C12orf42: variants seen among roughly 807,000 people sequenced by gnomAD.
C12orf42 encodes chromosome 12 open reading frame 42, also known as uncharacterized protein C12orf42.
Under a neutral mutation model 21.6 loss-of-function variants are expected in C12orf42, and 25 were observed. The ratio of observed to expected loss-of-function variants is 1.16; its 90% CI spans 0.84 to 1.62. C12orf42 has a LOEUF of 1.62. Ranked by LOEUF, C12orf42 falls within the 40% of genes most tolerant of loss-of-function variation. C12orf42 has a pLI of 0.00. For missense variants in C12orf42, 483 were observed against 459.3 expected (o/e 1.05, Z -0.47); for synonymous variants, 174 against 175.0 (o/e 0.99, Z 0.05).
intron 4 of C12orf42, among the ~76,000 whole-genome samples, chr12:103,339,117 A>G (rs2137196415): frequency 6.6e-6 from 1 of 152,360 alleles, no homozygotes; most frequent in African/African-American, 2.4e-5. Flanking sequence ...AATAAAAACA[A>G]TTCAAGACAT....
chr12:103,126,380 A>G, the C12orf42 span, among the ~76,000 whole-genome samples: 2 of 152,250 alleles, frequency 1.3e-5, no homozygotes, highest in Non-Finnish European at 2.9e-5. Flanking sequence ...GGTTCTAAAA[A>G]TACTGAGAAA....
the C12orf42 span, among the ~76,000 whole-genome samples, chr12:103,122,726 G>A: frequency 6.6e-6 from 1 of 152,146 alleles, no homozygotes; most frequent in Non-Finnish European, 1.5e-5. Context: ...TCTACAGCAG[G>A]GGCAGTTGGG....
chr12:103,147,526 T>C, the C12orf42 span, among the ~76,000 whole-genome samples: 3 of 149,510 alleles, frequency 2.0e-5, no homozygotes, highest in Non-Finnish European at 4.5e-5. Flanking sequence ...TTTTTGGTTC[T>C]TTCTGATGAA....
At chr12:103,497,820 T>C (rs1258041506), upstream of C12orf42, among the ~76,000 whole-genome samples, 1 of 152,112 alleles carries the variant, frequency 6.6e-6, no homozygotes, top group Non-Finnish European at 1.5e-5. Context: ...TCACTAGGTC[T>C]GGAGATCGAT....
the C12orf42 span, among the ~76,000 whole-genome samples, chr12:103,070,235 AC>A: frequency 6.6e-6 from 1 of 151,938 alleles, no homozygotes; most frequent in Non-Finnish European, 1.5e-5. Context: ...AGTATTTTGC[AC>A]CCTTAAGTTG....
chr12:103,432,460 G>C (rs1469582707), intron 2 of C12orf42, among the ~76,000 whole-genome samples: 1 of 152,188 alleles, frequency 6.6e-6, no homozygotes, highest in African/African-American at 2.4e-5. Context: ...GCTACCTACT[G>C]TAACATTAAT....
At chr12:103,507,555 G>A in the C12orf42 span, among the ~76,000 whole-genome samples, 3 of 150,972 alleles carry the variant, frequency 2.0e-5, no homozygotes, top group Non-Finnish European at 4.4e-5. Flanking sequence ...GCACACACCT[G>A]TAGTTCCAAG....
At chr12:103,234,738 C>T (rs2033417182), downstream of C12orf42, among the ~76,000 whole-genome samples, 1 of 152,148 alleles carries the variant, frequency 6.6e-6, no homozygotes, top group Non-Finnish European at 1.5e-5. Flanking sequence ...AACCCACAGA[C>T]ACATATTAAA....
chr12:103,400,932 C>G (rs1378697896), intron 3 of C12orf42, among the ~76,000 whole-genome samples: 1 of 152,040 alleles, frequency 6.6e-6, no homozygotes, highest in Non-Finnish European at 1.5e-5. Context: ...GATTAAAGCC[C>G]TTAGGATGTA....
At chr12:103,157,125 C>T in the C12orf42 span, among the ~76,000 whole-genome samples, 12 of 152,136 alleles carry the variant, frequency 7.9e-5, no homozygotes, top group Non-Finnish European at 1.5e-4. Flanking sequence ...TTCACAGCCT[C>T]GCCCGCATCT....
chr12:103,111,221 C>A, the C12orf42 span, among the ~76,000 whole-genome samples: 1 of 151,858 alleles, frequency 6.6e-6, no homozygotes, highest in Non-Finnish European at 1.5e-5. Flanking sequence ...AAAAAAAACA[C>A]TTGTTCTCTT....
At chr12:103,502,778 AC>A in the C12orf42 span, among the ~76,000 whole-genome samples, 7 of 152,046 alleles carry the variant, frequency 4.6e-5, no homozygotes, top group Non-Finnish European at 1.0e-4. Flanking sequence ...TTATTAAGCT[AC>A]CTCTGGGGAT....
At chr12:103,141,502 T>A in the C12orf42 span, among the ~76,000 whole-genome samples, 1 of 151,256 alleles carries the variant, frequency 6.6e-6, no homozygotes, top group Admixed American at 6.6e-5. Flanking sequence ...GATTGATGAA[T>A]GGATAAAGGA....
At chr12:103,114,941 A>G in the C12orf42 span, among the ~76,000 whole-genome samples, 3 of 152,348 alleles carry the variant, frequency 2.0e-5, no homozygotes, top group Non-Finnish European at 4.4e-5. Flanking sequence ...AGGCACGCCC[A>G]AACAACTAAT....
chr12:103,080,873 G>A, the C12orf42 span: 5 of 152,074 alleles, frequency 3.3e-5, no homozygotes, highest in Non-Finnish European at 7.4e-5. Context: ...GTTTTCATAC[G>A]AGAAAACTGA....
intron 2 of C12orf42, among the ~76,000 whole-genome samples, chr12:103,464,390 C>T (rs551432288): frequency 1.9e-3 from 282 of 146,438 alleles, no homozygotes; most frequent in Non-Finnish European, 3.6e-3. Context: ...AGTGTCTGTT[C>T]ATGTCTTTGC....
downstream of C12orf42, among the ~76,000 whole-genome samples, chr12:103,265,487 TA>T (rs975361197): frequency 1.2e-4 from 18 of 152,166 alleles, no homozygotes; most frequent in African/African-American, 4.1e-4. Flanking sequence ...AATTGTGTAA[TA>T]AAATAAAAAT....
intron 3 of C12orf42, among the ~76,000 whole-genome samples, chr12:103,395,336 CTT>C (rs35914185): frequency 2.9e-4 from 40 of 138,248 alleles, no homozygotes; most frequent in African/African-American, 4.1e-4. Flanking sequence ...ACCCATTATT[CTT>C]TTTTTTTTTT....
At chr12:103,194,629 A>G in the C12orf42 span, among the ~76,000 whole-genome samples, 1 of 152,172 alleles carries the variant, frequency 6.6e-6, no homozygotes, top group Non-Finnish European at 1.5e-5. Flanking sequence ...GAAAACATCT[A>G]TAGTGAAAAT....
Sources: allele counts gnomAD v4.1 joint callset (sites outside exome capture counted in the v4.1 genomes callset), GRCh38; gene constraint gnomAD v4.1.1; transcripts MANE v1.5; gene names NCBI Gene and HGNC (gene_info 2026-07-23, HGNC 2026-07-21).